Variants in MYO3B observed in about 807,000 individuals in gnomAD.
The protein encoded by MYO3B is myosin-IIIb.
A neutral mutation model predicts 174.6 loss-of-function variants in MYO3B; 156 were observed. The observed-to-expected ratio is 0.89, with a 90% confidence interval of 0.78 to 1.02. MYO3B has a LOEUF of 1.02. Among genes scored for constraint, MYO3B ranks in the 50% least tolerant of loss-of-function variants. MYO3B has a pLI of 0.00. For missense variants in MYO3B, 1,632 were observed against 1,639.4 expected, an observed-to-expected ratio of 1.00 and a Z score of 0.08; for synonymous variants, 563 against 569.1, an observed-to-expected ratio of 0.99 and a Z score of 0.15.
At chr2:170,371,690 G>GAAA (rs35716471) in intron 9 of MYO3B, among the ~76,000 whole-genome samples, 4 of 142,488 alleles carry the variant, frequency 2.8e-5, no homozygotes, top group African/African-American at 5.1e-5. Context: ...AGTTAAAGCA[G>GAAA]AAAAAAAAAA....
intron 28 of MYO3B, among the ~76,000 whole-genome samples, chr2:170,509,782 A>G (rs1374651965): frequency 1.2e-5 from 1 of 84,326 alleles, no homozygotes; most frequent in African/African-American, 5.6e-5. Flanking sequence ...TCTAAAATCT[A>G]GGAGCTAAAT....
At chr2:170,269,510 C>G (rs1208897104) in intron 7 of MYO3B, among the ~76,000 whole-genome samples, 1 of 152,124 alleles carries the variant, frequency 6.6e-6, no homozygotes, top group Non-Finnish European at 1.5e-5. Flanking sequence ...CTAGCACTTT[C>G]AATGGAAGTA....
At chr2:170,521,884 C>T (rs1055815023) in intron 30 of MYO3B, among the ~76,000 whole-genome samples, 3 of 152,162 alleles carry the variant, frequency 2.0e-5, no homozygotes, top group African/African-American at 4.8e-5. Flanking sequence ...GTCCCTAAAA[C>T]TATTCTTGGG....
chr2:170,405,590 A>G lies in MYO3B; in HGVS notation c.2477A>G (p.Lys826Arg), dbSNP rs751054176. 1.2e-6 allele frequency: 2 copies of G among 1,614,222 alleles called. No homozygotes were observed. The highest frequency in any genetic ancestry group is 1.3e-5 in the African/African-American group (1 of 75,074). Residue 826 changes from lysine (K) to arginine (R), a missense_variant, in exon 21 of 35, where the codon AAA becomes AGA. Transcript: ENST00000408978. ...CGATGCAAATACTTCTGGAGGCCCA[A>G]AGGAGTGGAACTGTGCTTTGGCATT... ...NLRCKYFWRPKGVELCFGIQH... is the reference protein window; with the variant it reads ...NLRCKYFWRPRGVELCFGIQH...
intron 28 of MYO3B, among the ~76,000 whole-genome samples, chr2:170,503,518 A>T (rs1687418788): frequency 6.9e-6 from 1 of 144,112 alleles, no homozygotes; most frequent in Non-Finnish European, 1.5e-5. Context: ...AAACACATTA[A>T]GGTGCCTTCC....
Position 170,466,613 on chromosome 2 carries a change from G to C in MYO3B, c.2916G>C (p.Arg972Ser). The C allele has an allele frequency of 6.2e-7, 1 of 1,614,216 alleles. No individual in the cohort carries two copies. The highest frequency in any genetic ancestry group is 8.5e-7 in the Non-Finnish European group (1 of 1,180,046). Residue 972 changes from arginine to serine, a missense_variant, in exon 25 of 35, where the codon AGG becomes AGC. Coordinates refer to ENST00000408978, the MANE Select transcript of MYO3B (RefSeq NM_138995.5). ...DREALQFSRE[R>S]VLAQLRSTGI... Reference sequence around the variant, plus strand: ...AGGCCCTGCAGTTCTCTCGAGAGAGGGTGCTGGCCCAGCTCCGCTCCACAG... The same window carrying C: ...AGGCCCTGCAGTTCTCTCGAGAGAGCGTGCTGGCCCAGCTCCGCTCCACAG...
chr2:170,562,749 A>G (rs1001694121), intron 32 of MYO3B, among the ~76,000 whole-genome samples: 1 of 152,186 alleles, frequency 6.6e-6, no homozygotes, highest in African/African-American at 2.4e-5. Flanking sequence ...TTTTTCAAAC[A>G]TTGATTGTGA....
At chr2:170,306,678 C>A (rs1395913163) in intron 7 of MYO3B, among the ~76,000 whole-genome samples, 1 of 88,326 alleles carries the variant, frequency 1.1e-5, no homozygotes, top group Non-Finnish European at 2.1e-5. Context: ...CGTGTCCATC[C>A]CCACGTCAGA....
chr2:170,649,356 A>ATTATATATAAAATAAT lies in MYO3B; in HGVS notation c.3734-2272_3734-2271insTTATATATAAAATAAT, dbSNP rs1559202539. On this transcript the variant is annotated intron_variant, in intron 32 of 34. Transcript: ENST00000408978. The stretch of plus-strand genomic sequence containing the variant: ...ATATATTATATATAAAATAATATAT[A>ATTATATATAAAATAAT]ATATATTATATAAAAATATAAATAT... 1.0e-4 allele frequency among the ~76,000 whole-genome samples: 4 copies of ATTATATATAAAATAAT among 40,152 alleles called. 1 individual carries two copies. The highest frequency in any genetic ancestry group is 5.4e-4 in the East Asian group (1 of 1,854). The allele number at this position is 40,152 out of a possible 152,430, so 26.3% of individuals were successfully genotyped here.
chr2:170,385,257 C>T (rs902837649), intron 12 of MYO3B, among the ~76,000 whole-genome samples: 2 of 152,222 alleles, frequency 1.3e-5, no homozygotes, highest in Non-Finnish European at 2.9e-5. Context: ...CTTTAAATCC[C>T]CTCTTCTTTC....
At chr2:170,264,274 T>C (rs1011617687) in intron 7 of MYO3B, among the ~76,000 whole-genome samples, 2 of 152,250 alleles carry the variant, frequency 1.3e-5, no homozygotes, top group African/African-American at 4.8e-5. Context: ...CCCAGTGCTC[T>C]GTTACATGGC....
intron 22 of MYO3B, among the ~76,000 whole-genome samples, chr2:170,437,448 A>ACT (rs775919248): frequency 6.6e-6 from 1 of 151,978 alleles, no homozygotes; most frequent in South Asian, 2.1e-4. Context: ...AGGCTGTAAG[A>ACT]CTCTCATGTA....
chr2:170,623,471 T>C (rs1447502028), intron 32 of MYO3B, among the ~76,000 whole-genome samples: 10 of 152,388 alleles, frequency 6.6e-5, no homozygotes, highest in East Asian at 5.8e-4. Flanking sequence ...TTCTGGATTT[T>C]AGCCCTTTGT....
intron 1 of MYO3B, among the ~76,000 whole-genome samples, chr2:170,193,723 C>A (rs1186934387): frequency 6.6e-6 from 1 of 151,954 alleles, no homozygotes; most frequent in East Asian, 1.9e-4. Context: ...TTTTTAGCAT[C>A]CATTTAGCAA....
Position 170,212,243 on chromosome 2 carries a change from C to CA in MYO3B, c.322-2118dup, listed in dbSNP as rs57947187. Among the ~76,000 whole-genome samples the CA allele has an allele frequency of 7.8e-3, 1,004 of 127,964 alleles. 3 individuals are homozygous for CA. Among genetic ancestry groups the CA allele is most frequent in the Middle Eastern group, 0.012 (3 of 250 alleles). 83.9% of individuals were successfully genotyped at this position (127,964 alleles called of 152,430 possible). On this transcript the variant is annotated intron_variant, in intron 3 of 34. Transcript: ENST00000408978. ...GGGCAAAAACAGTGAAACTCCCTCT[C>CA]AAAAAAAAAAAAAAAAAAGTCTGGG...
At chr2:170,641,789 C>T (rs1697970236) in intron 32 of MYO3B, among the ~76,000 whole-genome samples, 1 of 125,964 alleles carries the variant, frequency 7.9e-6, no homozygotes, top group South Asian at 2.5e-4. Context: ...CAAAAAGTAA[C>T]TCTAAAAGAA....
chr2:170,638,091 CCTCT>C lies in MYO3B; in HGVS notation c.3734-13521_3734-13518del, dbSNP rs574364783. Among the ~76,000 whole-genome samples the C allele has an allele frequency of 1.5e-3, 217 of 149,098 alleles. 2 individuals carry two copies. Among genetic ancestry groups the C allele is most frequent in the Non-Finnish European group, 2.5e-3 (168 of 66,646 alleles). On this transcript the variant is annotated intron_variant, in intron 32 of 34. Transcript: ENST00000408978. ...TCTATTTCCACTCAATCTCTCTCTC[CCTCT>C]CTCTCTCTCTCTCTCACACACACAC... is the stretch of plus-strand genomic sequence containing the variant.
chr2:170,430,538 A>C (rs1181309019), intron 22 of MYO3B, among the ~76,000 whole-genome samples: 2 of 151,878 alleles, frequency 1.3e-5, no homozygotes, highest in Admixed American at 6.6e-5. Context: ...TGCCCAGCTT[A>C]TTTTTGTATT....
intron 7 of MYO3B, among the ~76,000 whole-genome samples, chr2:170,286,567 T>C (rs2105406374): frequency 6.6e-6 from 1 of 152,288 alleles, no homozygotes; most frequent in South Asian, 2.1e-4. Context: ...TTTTAATTTT[T>C]TTATATAAAA....
Sources: gnomAD v4.1 joint callset for allele counts (sites outside exome capture counted in the v4.1 genomes callset) on GRCh38, gnomAD v4.1.1 for gene constraint, MANE v1.5 for transcripts, NCBI Gene and HGNC (gene_info 2026-07-23, HGNC 2026-07-21) for gene names.